Variants in MAX observed in about 807,000 individuals in gnomAD.
The protein encoded by MAX is protein max.
MAX carries 3 observed loss-of-function variants against 22.3 expected under a neutral mutation model. That is an observed-to-expected ratio of 0.13 (90% CI 0.06 to 0.35). The LOEUF (loss-of-function observed/expected upper bound fraction) is 0.35, where lower values mean the gene tolerates loss of function less well. Among genes scored for constraint, MAX ranks in the 10% least tolerant of loss-of-function variants. MAX has a pLI of 1.00. For synonymous variants in MAX, 72 were observed against 77.7 expected, an observed-to-expected ratio of 0.93 and a Z score of 0.39; for missense variants, 119 against 209.4, an observed-to-expected ratio of 0.57 and a Z score of 2.66.
chr14:65,028,212 C>A lies in MAX; in HGVS notation c.172-21928G>T, dbSNP rs761672995. 6.6e-6 allele frequency among the ~76,000 whole-genome samples: 1 copy of A among 152,140 alleles called. No homozygotes were observed. The highest frequency in any genetic ancestry group is 2.4e-5 in the African/African-American group (1 of 41,412). ...TCTAATCCCTGAGGTCCTCCTGAGGCACATGAGAGTTTTTCTGGGAGGTGC... is the reference window on the plus strand; with the variant it reads ...TCTAATCCCTGAGGTCCTCCTGAGGAACATGAGAGTTTTTCTGGGAGGTGC... On this transcript the variant is annotated intron_variant, in intron 3 of 3. Transcript: ENST00000341653. This position sits in a 1 kb window ranked among gnomAD's most constrained non-coding sequence, Gnocchi z 4.4.
At position 65,102,236 on chromosome 14, in the gene MAX, C is replaced by G. The variant is rs776530448; in HGVS notation, c.36+68G>C. ...GCCCGGCCCCCTCCCGCCGTCGCCC[C>G]GCTAAGAGCCCCGGCCGCTGTCCCC... On this transcript the variant is annotated intron_variant, in intron 1 of 4. Transcript: ENST00000358664. 1,192 of 1,602,956 alleles carry G rather than the reference C, an allele frequency of 7.4e-4. 10 individuals carry two copies. The highest frequency in any genetic ancestry group is 9.5e-4 in the Admixed American group (56 of 59,008).
chr14:65,042,899 A>C (rs1405485545), intron 3 of MAX, among the ~76,000 whole-genome samples: 1 of 152,146 alleles, frequency 6.6e-6, no homozygotes, highest in African/African-American at 2.4e-5. Context: ...TCAACCGAGG[A>C]TATATTAGTA....
intron 2 of MAX, among the ~76,000 whole-genome samples, chr14:65,097,833 G>C (rs147474670): frequency 6.6e-6 from 1 of 152,288 alleles, no homozygotes; most frequent in East Asian, 1.9e-4. Flanking sequence ...AGGCAGGTAG[G>C]ATGGGATAAA....
intron 3 of MAX, chr14:65,083,997 G>A (rs1379827494): frequency 2.7e-6 from 4 of 1,486,878 alleles, no homozygotes; most frequent in Non-Finnish European, 3.6e-6. Context: ...AAGGAGGCTG[G>A]AAGGTTGTAA....
At chr14:65,021,829 A>G (rs2061891630) in intron 3 of MAX, among the ~76,000 whole-genome samples, 3 of 152,162 alleles carry the variant, frequency 2.0e-5, no homozygotes, top group Admixed American at 2.0e-4. Context: ...TATTTTTAGT[A>G]GAGATGGGGT....
At position 65,079,970 on chromosome 14, in the gene MAX, A is replaced by G. The variant is rs529630729; in HGVS notation, c.172-1934T>C. The stretch of plus-strand genomic sequence containing the variant: ...CAGATACTGTGGGGAAACAAAATGT[A>G]TTAGTCATGGCTTCTTTGCCCCAAA... On this transcript the variant is annotated intron_variant, in intron 3 of 4. Transcript: ENST00000358664. The surrounding 1 kb of genome is among the most constrained non-coding windows in gnomAD (Gnocchi z 4.5). Among the ~76,000 whole-genome samples, 14 of 152,358 alleles carry G rather than the reference A, an allele frequency of 9.2e-5. No homozygotes were observed. Among genetic ancestry groups the G allele is most frequent in the African/African-American group, 3.4e-4 (14 of 41,580 alleles).
chr14:65,040,249 ATATATATATGTATATATATG>A, intron 3 of MAX, among the ~76,000 whole-genome samples: 1 of 146,738 alleles, frequency 6.8e-6, no homozygotes, highest in Admixed American at 7.1e-5. Context: ...GGTTATCACT[ATATATATATGTATATATATG>A]TATATATATG....
Position 65,011,698 on chromosome 14 carries a change from C to CA in MAX, c.172-5415dup, listed in dbSNP as rs1164543722. Reference sequence around the variant, plus strand: ...CCTGTGCAGGTGGCCATGGGCGGCACATTCCATCTTAAAGCCAGTATTGCT... The same window carrying CA: ...CCTGTGCAGGTGGCCATGGGCGGCACAATTCCATCTTAAAGCCAGTATTGCT... On this transcript the variant is annotated intron_variant, in intron 3 of 3. Transcript: ENST00000341653. This position sits in a 1 kb window ranked among gnomAD's most constrained non-coding sequence, Gnocchi z 4.0. Among the ~76,000 whole-genome samples, 1 of 152,204 alleles carries CA rather than the reference C, an allele frequency of 6.6e-6. No homozygotes were observed. Among genetic ancestry groups the CA allele is most frequent in the Admixed American group, 6.5e-5 (1 of 15,280 alleles).
chr14:65,077,457 G>A lies in MAX; in HGVS notation c.295+456C>T, dbSNP rs2139747293. On this transcript the variant is annotated intron_variant, in intron 4 of 4. Coordinates refer to ENST00000358664, the MANE Select transcript of MAX (RefSeq NM_002382.5). The surrounding 1 kb of genome is among the most constrained non-coding windows in gnomAD (Gnocchi z 6.3). ...TGGTTGTAGGAAAAGGCGGGTGTGA[G>A]CATTGAGAACAGCATGGGCCTAGCC... The A allele has an allele frequency of 6.8e-7, 1 of 1,472,200 alleles. No individual in the cohort carries two copies. Among genetic ancestry groups the A allele is most frequent in the South Asian group, 1.1e-5 (1 of 88,210 alleles). 91.2% of individuals were successfully genotyped at this position (1,472,200 alleles called of 1,614,324 possible).
chr14:65,089,771 A>T lies in MAX; in HGVS notation c.171+3937T>A, dbSNP rs1442308813. The T allele has an allele frequency of 2.7e-3, 167 of 61,076 alleles. 3 individuals are homozygous for T. Among genetic ancestry groups the T allele is most frequent in the African/African-American group, 0.015 (157 of 10,438 alleles). The allele number at this position is 61,076 out of a possible 1,614,324, so 3.8% of individuals were successfully genotyped here. On this transcript the variant is annotated intron_variant, in intron 3 of 4. Transcript: ENST00000358664. ...AGCATCTCTGTAAAAAAAAAAAAAA[A>T]AAAAAAAAAAAAAAAAAAAAAAAAA...
At chr14:65,089,771 A>AGCGGGG (rs2063447879) in intron 3 of MAX, 1 of 61,084 alleles carries the variant, frequency 1.6e-5, no homozygotes. Context: ...AAAAAAAAAA[A>AGCGGGG]AAAAAAAAAA....
At chr14:65,086,733 CA>C (rs749482805) in intron 3 of MAX, among the ~76,000 whole-genome samples, 7 of 152,308 alleles carry the variant, frequency 4.6e-5, no homozygotes, top group South Asian at 4.1e-4. Context: ...TGTAGCCTGA[CA>C]ATGTGATAGA....
At chr14:65,026,998 A>T (rs927037638) in intron 3 of MAX, among the ~76,000 whole-genome samples, 1 of 152,146 alleles carries the variant, frequency 6.6e-6, no homozygotes, top group Non-Finnish European at 1.5e-5. Context: ...ATGGATCCTG[A>T]CTAGGATGGT....
rs1026108966 is a variant in MAX at position 65,026,522 on chromosome 14, G to A, written c.172-20238C>T. On this transcript the variant is annotated intron_variant, in intron 3 of 3. Transcript: ENST00000341653. ...ATTAAGGTGAGCATGAGAGCAGCCTGCCTCTCTTCTGTTCTCCCAGCCATG... is the reference window on the plus strand; with the variant it reads ...ATTAAGGTGAGCATGAGAGCAGCCTACCTCTCTTCTGTTCTCCCAGCCATG... Among the ~76,000 whole-genome samples, 3 of 152,310 alleles carry A rather than the reference G, an allele frequency of 2.0e-5. No individual in the cohort carries two copies. The East Asian group carries it at 5.8e-4, about 29-fold the overall frequency.
chr14:65,065,015 G>A (rs1566588712), intron 3 of MAX, among the ~76,000 whole-genome samples: 1 of 152,230 alleles, frequency 6.6e-6, no homozygotes, highest in Non-Finnish European at 1.5e-5. Context: ...ATTTGTTCAG[G>A]TTGGGAGTAA....
chr14:65,084,393 T>G lies in MAX; in HGVS notation c.172-6357A>C. 2 of 784,142 alleles carry G rather than the reference T, an allele frequency of 2.6e-6. No individual in the cohort carries two copies. The highest frequency in any genetic ancestry group is 2.1e-6 in the Non-Finnish European group (1 of 467,188). The allele number at this position is 784,142 out of a possible 1,614,324, so 48.6% of individuals were successfully genotyped here. On this transcript the variant is annotated intron_variant, in intron 3 of 4. Transcript: ENST00000358664. The surrounding 1 kb of genome is among the most constrained non-coding windows in gnomAD (Gnocchi z 4.3). ...TTTGTTTACTGAATTAGTTACCCTC[T>G]TCCAAAAAAAAAAATTCCAGTGATA...
intron 3 of MAX, among the ~76,000 whole-genome samples, chr14:65,013,838 G>A (rs2061724737): frequency 6.6e-6 from 1 of 152,226 alleles, no homozygotes; most frequent in Non-Finnish European, 1.5e-5. Context: ...GTGAGCTACT[G>A]CGCCCAGTTG....
Position 65,086,958 on chromosome 14 carries a change from G to A in MAX, c.171+6750C>T, listed in dbSNP as rs1287084899. Among the ~76,000 whole-genome samples the A allele has an allele frequency of 2.0e-5, 3 of 152,224 alleles. No homozygotes were observed. The East Asian group carries it at 5.8e-4, about 29-fold the overall frequency. Reference sequence around the variant, plus strand: ...GCCCAGGGTCCACAGGTTGTATGCAGCCTAGGGACTTGGTGCCCTGCATCC... The same window carrying A: ...GCCCAGGGTCCACAGGTTGTATGCAACCTAGGGACTTGGTGCCCTGCATCC... On this transcript the variant is annotated intron_variant, in intron 3 of 4. Transcript: ENST00000358664.
downstream of MAX, among the ~76,000 whole-genome samples, chr14:65,070,795 C>T (rs1405484129): frequency 6.6e-6 from 1 of 152,232 alleles, no homozygotes; most frequent in East Asian, 1.9e-4. This position sits in a 1 kb window ranked among gnomAD's most constrained non-coding sequence, Gnocchi z 4.4. Flanking sequence ...CAGCCCTGGG[C>T]AAGAAACACG....
Sources: allele counts gnomAD v4.1 joint callset (sites outside exome capture counted in the v4.1 genomes callset), GRCh38; gene constraint gnomAD v4.1.1; non-coding constraint Gnocchi (gnomAD v3.1); transcripts MANE v1.5; gene names NCBI Gene and HGNC (gene_info 2026-07-23, HGNC 2026-07-21).